Variants in ELN observed in about 807,000 individuals in gnomAD.
ELN encodes the protein elastin, also known as tropoelastin.
In ELN, 65 loss-of-function variants were observed where a neutral mutation model predicts 105.8. The observed-to-expected ratio is 0.61, with a 90% CI of 0.50 to 0.75. The LOEUF (loss-of-function observed/expected upper bound fraction) is 0.75. Ranked by LOEUF, ELN falls within the 30% of genes least tolerant of loss-of-function variation. ELN has a pLI of 0.00. For synonymous variants in ELN, 368 were observed against 389.2 expected, an observed-to-expected ratio of 0.95 and a Z score of 0.64; for missense variants, 882 against 969.4, an observed-to-expected ratio of 0.91 and a Z score of 1.20.
chr7:74,064,259 C>CA (rs1284487874), intron 29 of ELN, among the ~76,000 whole-genome samples: 17 of 149,704 alleles, frequency 1.1e-4, no homozygotes, highest in Non-Finnish European at 2.4e-4. Context: ...ACTAAAAATA[C>CA]AAAAAATTAG....
At chr7:74,061,836 C>G (rs1356557333) in intron 26 of ELN, among the ~76,000 whole-genome samples, 1 of 152,172 alleles carries the variant, frequency 6.6e-6, no homozygotes, top group Non-Finnish European at 1.5e-5. Flanking sequence ...TTGCCCTGAC[C>G]CTGACAGTTA....
rs182745508 is a variant in ELN at position 74,039,278 on chromosome 7, T to C, written c.196+1539T>C. Among the ~76,000 whole-genome samples, 237 of 152,264 alleles carry C rather than the reference T, an allele frequency of 1.6e-3. No individual in the cohort carries two copies. In the South Asian group the frequency reaches 0.016, roughly 11 times the overall value. ...TTCTGAAAGAACTTCCAGCTCAGGG[T>C]GAAGGAGTCAATCCAAAGGAAAGTC... On this transcript the variant is annotated intron_variant, in intron 4 of 32. Transcript: ENST00000252034.
intron 2 of ELN, 131 bp downstream of exon 2, chr7:74,035,545 T>G: frequency 9.0e-7 from 1 of 1,106,414 alleles, no homozygotes; most frequent in Non-Finnish European, 1.4e-6. Context: ...CACTTAAAAA[T>G]GCAATTAACA....
At chr7:74,045,343 C>T (rs1554671498) in intron 10 of ELN, 50 bp downstream of exon 10, 1 of 1,605,618 alleles carries the variant, frequency 6.2e-7, no homozygotes. Flanking sequence ...CTCCAACCAC[C>T]TTCTGGCCCC....
rs782389686 is a variant in ELN, at chr7:74,063,314, C to T, written c.1863C>T (p.Ala621=). The change falls in exon 28 of 33, where the codon GCC becomes GCT. Residue 621 remains alanine, a synonymous_variant. Transcript: ENST00000252034. This position sits in a 1 kb window ranked among gnomAD's most constrained non-coding sequence, Gnocchi z 4.1. ...GAACTCGGTCTGTGTTCCCAGGAGC[C>T]GGACCCGCCGCCGCCGCTGCCGCAG... The part of the protein sequence containing the change: ...GVGIPGGVVG[A]GPAAAAAAAK... 1.2e-5 allele frequency: 18 copies of T among 1,550,316 alleles called. No homozygotes were observed. The highest frequency in any genetic ancestry group is 1.1e-4 in the African/African-American group (8 of 73,152).
At chr7:74,041,294 G>T in intron 5 of ELN, 43 bp downstream of exon 5, 2 of 1,612,858 alleles carry the variant, frequency 1.2e-6, no homozygotes, top group Non-Finnish European at 1.7e-6. Context: ...GTGGGGACCA[G>T]CCCCTGAGCT....
At chr7:74,040,811 G>C (rs1554668041) in intron 4 of ELN, among the ~76,000 whole-genome samples, 1 of 152,144 alleles carries the variant, frequency 6.6e-6, no homozygotes, top group African/African-American at 2.4e-5. Context: ...GGAGTTCCCC[G>C]ATGCAGGTGA....
At chr7:74,066,106 G>A (rs1797887980) in intron 31 of ELN, 109 bp downstream of exon 31, 4 of 1,521,394 alleles carry the variant, frequency 2.6e-6, no homozygotes, top group South Asian at 2.3e-5. Flanking sequence ...ACAAGGACAG[G>A]AGACTGGGGC....
intron 2 of ELN, chr7:74,035,810 A>C (rs1430253279): frequency 6.1e-6 from 2 of 328,100 alleles, no homozygotes; most frequent in Non-Finnish European, 1.2e-5. Context: ...ATAGTGGTGC[A>C]CGCCTGTAGT....
At chr7:74,046,277 G>T in intron 11 of ELN, 60 bp downstream of exon 11, 2 of 1,612,096 alleles carry the variant, frequency 1.2e-6, no homozygotes, top group Non-Finnish European at 1.7e-6. Flanking sequence ...CTGGCGTTGG[G>T]AGGGGTTGGG....
chr7:74,050,950 A>G (rs1554675649), intron 15 of ELN, among the ~76,000 whole-genome samples: 1 of 152,250 alleles, frequency 6.6e-6, no homozygotes, highest in African/African-American at 2.4e-5. Flanking sequence ...TAGGTGGTGC[A>G]TATATAAGCA....
intron 22 of ELN, among the ~76,000 whole-genome samples, chr7:74,058,481 A>G (rs782454253): frequency 9.2e-5 from 14 of 151,946 alleles, no homozygotes; most frequent in Non-Finnish European, 1.3e-4. Flanking sequence ...CCGCCCCCCA[A>G]GAGCTGAGAC....
chr7:74,043,474 G>A (rs1283090980), intron 8 of ELN: 11 of 690,880 alleles, frequency 1.6e-5, no homozygotes, highest in South Asian at 7.5e-5. Context: ...GGCCTGCAGC[G>A]AGTCCCGGCA....
chr7:74,050,944 TG>T (rs1793899433), intron 15 of ELN, among the ~76,000 whole-genome samples: 2 of 152,146 alleles, frequency 1.3e-5, no homozygotes, highest in Non-Finnish European at 2.9e-5. Context: ...TAATTTTAGG[TG>T]GTGCATATAT....
chr7:74,063,799 T>C lies in ELN; in HGVS notation c.1993+104T>C. 2 of 1,516,838 alleles carry C rather than the reference T, an allele frequency of 1.3e-6. No homozygotes were observed. Among genetic ancestry groups the C allele is most frequent in the Non-Finnish European group, 9.1e-7 (1 of 1,099,044 alleles). The allele number at this position is 1,516,838 out of a possible 1,614,324, so 94.0% of individuals were successfully genotyped here. Reference sequence around the variant, plus strand: ...GACTTTCGTTCCCACCCCTGGCACGTCTTTGCTCAAGATGTCCTCTTGGCC... The same window carrying C: ...GACTTTCGTTCCCACCCCTGGCACGCCTTTGCTCAAGATGTCCTCTTGGCC... On this transcript the variant is annotated intron_variant, in intron 29 of 32. Coordinates refer to ENST00000252034, the MANE Select transcript of ELN (RefSeq NM_000501.4). The surrounding 1 kb of genome is among the most constrained non-coding windows in gnomAD (Gnocchi z 4.1).
At chr7:74,036,826 G>C (rs1206378583) in intron 3 of ELN, among the ~76,000 whole-genome samples, 1 of 151,942 alleles carries the variant, frequency 6.6e-6, no homozygotes, top group East Asian at 1.9e-4. Flanking sequence ...TTTTTTTGGT[G>C]GGGGAGGACG....
chr7:74,056,280 C>A lies in ELN; in HGVS notation c.1160C>A (p.Pro387His). Residue 387 changes from proline to histidine, a missense_variant, in exon 20 of 33, where the codon CCC (proline) becomes CAC (histidine). Coordinates refer to ENST00000252034, the MANE Select transcript of ELN (RefSeq NM_000501.4). ...TCCCTTCCCTCTGCAGGGGCCAGGC[C>A]CGGAGTCGGAGTTGGAGGCATTCCT... ...AAKAAKYGAR[P>H]GVGVGGIPTY... 6.2e-7 allele frequency: 1 copy of A among 1,614,110 alleles called. No individual in the cohort carries two copies. Among genetic ancestry groups the A allele is most frequent in the Non-Finnish European group, 8.5e-7 (1 of 1,180,008 alleles).
chr7:74,035,876 C>T (rs1789820759), intron 2 of ELN, among the ~76,000 whole-genome samples: 1 of 151,628 alleles, frequency 6.6e-6, no homozygotes, highest in Non-Finnish European at 1.5e-5. Context: ...GAGTTCAAGG[C>T]TGCAGTGAGC....
In ELN at chr7:74,069,309, G is replaced by T; in HGVS notation, c.*609G>T. ...GGAAAACCACCCCACACTGGGAATA[G>T]CCACCTTGCCCTTGTAGAATCCATC... On this transcript the variant is annotated 3_prime_UTR_variant, in exon 33 of 33. Transcript: ENST00000252034. 4.2e-6 allele frequency: 1 copy of T among 237,454 alleles called. No individual in the cohort carries two copies. The highest frequency in any genetic ancestry group is 8.3e-6 in the Non-Finnish European group (1 of 120,154). The allele number at this position is 237,454 out of a possible 1,614,324, so 14.7% of individuals were successfully genotyped here. A position where few individuals can be genotyped will look rare whatever the true frequency, so the allele number is the denominator to read the frequency against.
Sources: gnomAD v4.1 joint callset for allele counts (sites outside exome capture counted in the v4.1 genomes callset) on GRCh38, gnomAD v4.1.1 for gene constraint, Gnocchi (gnomAD v3.1) non-coding constraint, MANE v1.5 for transcripts, NCBI Gene and HGNC (gene_info 2026-07-23, HGNC 2026-07-21) for gene names.